The following SDK1 variants were observed in gnomAD, a reference collection of about 807,000 sequenced individuals.
The protein encoded by SDK1 is protein sidekick-1.
A neutral mutation model predicts 245.5 loss-of-function variants in SDK1; 157 were observed. The observed-to-expected ratio is 0.64, with a 90% confidence interval of 0.56 to 0.73. The LOEUF (loss-of-function observed/expected upper bound fraction) is 0.73. Among genes scored for constraint, SDK1 ranks in the 30% least tolerant of loss-of-function variants. SDK1 has a pLI of 0.00. For missense variants in SDK1, 3,583 were observed against 3,002.3 expected (o/e 1.19, Z -4.52); for synonymous variants, 1,647 against 1,278.5 (o/e 1.29, Z -6.15).
chr7:4,247,865 C>T (rs921087568), intron 44 of SDK1, among the ~76,000 whole-genome samples: 1 of 152,170 alleles, frequency 6.6e-6, no homozygotes, highest in Non-Finnish European at 1.5e-5. Context: ...GTCTCCAGAG[C>T]TCAGTGTACC....
chr7:3,435,321 CTTTTTTTTTTTTTT>C (rs71029672), intron 1 of SDK1, among the ~76,000 whole-genome samples: 4 of 56,880 alleles, frequency 7.0e-5, no homozygotes, highest in African/African-American at 9.1e-5. Flanking sequence ...AGGGGACTGC[CTTTTTTTTTTTTTT>C]TTTTTTTTTT....
chr7:3,326,638 C>G (rs781099493), intron 1 of SDK1, among the ~76,000 whole-genome samples: 2 of 152,126 alleles, frequency 1.3e-5, no homozygotes, highest in Non-Finnish European at 2.9e-5. Flanking sequence ...CATCTTCTCA[C>G]CAACACTGCT....
intron 1 of SDK1, among the ~76,000 whole-genome samples, chr7:3,591,588 A>G (rs1029831180): frequency 5.3e-5 from 8 of 152,368 alleles, no homozygotes; most frequent in South Asian, 2.1e-4. Flanking sequence ...TTGAAAGAAC[A>G]TGCGACCAGT....
intron 14 of SDK1, among the ~76,000 whole-genome samples, chr7:3,994,916 C>T (rs1452911006): frequency 1.3e-5 from 2 of 152,148 alleles, no homozygotes; most frequent in Admixed American, 6.5e-5. Flanking sequence ...GTTTCCCCTG[C>T]CTGAAGCCTT....
intron 1 of SDK1, among the ~76,000 whole-genome samples, chr7:3,436,595 AAAT>A (rs1288422894): frequency 1.3e-5 from 2 of 152,298 alleles, no homozygotes; most frequent in East Asian, 3.9e-4. Context: ...TAGAAAATGA[AAAT>A]AATGATTATA....
intron 1 of SDK1, among the ~76,000 whole-genome samples, chr7:3,412,451 C>G (rs1478708686): frequency 6.6e-6 from 1 of 152,172 alleles, no homozygotes; most frequent in Non-Finnish European, 1.5e-5. Context: ...ATAGGCAGCT[C>G]CTGCTTTTTT....
chr7:3,348,375 G>T (rs1484178948), intron 1 of SDK1, among the ~76,000 whole-genome samples: 1 of 152,206 alleles, frequency 6.6e-6, no homozygotes, highest in Non-Finnish European at 1.5e-5. Flanking sequence ...CTACTATGCA[G>T]CCATAAAAAG....
intron 4 of SDK1, among the ~76,000 whole-genome samples, chr7:3,669,570 G>C (rs1251958124): frequency 6.6e-6 from 1 of 151,950 alleles, no homozygotes; most frequent in East Asian, 1.9e-4. Flanking sequence ...CTTCTTCTTA[G>C]ACCTCTTTGC....
chr7:3,563,398 A>C (rs1204773504), intron 1 of SDK1, among the ~76,000 whole-genome samples: 2 of 152,220 alleles, frequency 1.3e-5, no homozygotes, highest in Non-Finnish European at 2.9e-5. Flanking sequence ...TGGAAATAAA[A>C]GGATGGAAGA....
At chr7:3,645,087 C>T (rs192054324) in intron 4 of SDK1, among the ~76,000 whole-genome samples, 1 of 152,274 alleles carries the variant, frequency 6.6e-6, no homozygotes, top group Admixed American at 6.5e-5. Context: ...TCACTATATG[C>T]ATGAGACAGC....
intron 44 of SDK1, among the ~76,000 whole-genome samples, chr7:4,259,791 C>A (rs975210275): frequency 1.3e-5 from 2 of 152,176 alleles, no homozygotes; most frequent in African/African-American, 4.8e-5. Context: ...GGTTGTACAC[C>A]TGTTGCGCGG....
chr7:3,503,490 C>A (rs940027805), intron 1 of SDK1, among the ~76,000 whole-genome samples: 8 of 151,930 alleles, frequency 5.3e-5, no homozygotes, highest in African/African-American at 1.9e-4. Flanking sequence ...ACCAGCCGGG[C>A]AATATAGTGA....
In SDK1 at chr7:4,185,841, C is replaced by CAGGA. The variant is rs1235830510; in HGVS notation, c.5098+7265_5098+7268dup. Among the ~76,000 whole-genome samples the CAGGA allele has an allele frequency of 4.3e-4, 54 of 125,096 alleles. 1 individual carries two copies. Among genetic ancestry groups the CAGGA allele is most frequent in the African/African-American group, 1.7e-3 (53 of 32,106 alleles). The allele number at this position is 125,096 out of a possible 152,430, so 82.1% of individuals were successfully genotyped here. A position where few individuals can be genotyped will look rare whatever the true frequency, so the allele number is the denominator to read the frequency against. The stretch of plus-strand genomic sequence containing the variant: ...TGGGAGGGAGAGAAACACATTTAGA[C>CAGGA]AGGAAGGAAGGAAAGAAGGGAGGGA... On this transcript the variant is annotated intron_variant, in intron 35 of 44. Coordinates refer to ENST00000404826, the MANE Select transcript of SDK1 (RefSeq NM_152744.4).
chr7:4,222,994 C>T (rs1277367987), intron 40 of SDK1, among the ~76,000 whole-genome samples: 1 of 151,840 alleles, frequency 6.6e-6, no homozygotes, highest in African/African-American at 2.4e-5. Flanking sequence ...TAAGAAACCA[C>T]TTCAGACACT....
At chr7:3,936,446 A>G (rs1454098829) in intron 5 of SDK1, among the ~76,000 whole-genome samples, 1 of 152,072 alleles carries the variant, frequency 6.6e-6, no homozygotes, top group African/African-American at 2.4e-5. Context: ...TTAGCCAGGC[A>G]TGGTGGCAGG....
chr7:3,948,921 A>G (rs1157309022), intron 5 of SDK1, among the ~76,000 whole-genome samples: 2 of 152,028 alleles, frequency 1.3e-5, no homozygotes. Flanking sequence ...GCCTCCCTTC[A>G]CTTCACATAA....
intron 1 of SDK1, among the ~76,000 whole-genome samples, chr7:3,449,473 G>C (rs180922894): frequency 6.6e-6 from 1 of 152,308 alleles, no homozygotes. Flanking sequence ...GGAGTGGCTT[G>C]AAGAATTGTA....
chr7:3,981,315 A>G lies in SDK1; in HGVS notation c.1995-5871A>G, dbSNP rs548254483. Reference sequence around the variant, plus strand: ...CTTGTGTGTTCTGACTGCTCCACCAACAGGCCATTCCCTGTCTCCCTCCGT... The same window carrying G: ...CTTGTGTGTTCTGACTGCTCCACCAGCAGGCCATTCCCTGTCTCCCTCCGT... On this transcript the variant is annotated intron_variant, in intron 13 of 44. Transcript: ENST00000404826. 9.2e-5 allele frequency among the ~76,000 whole-genome samples: 14 copies of G among 152,230 alleles called. 1 individual carries two copies. Among genetic ancestry groups the G allele is most frequent in the African/African-American group, 2.9e-4 (12 of 41,550 alleles).
At chr7:3,567,333 A>C (rs181677908) in intron 1 of SDK1, among the ~76,000 whole-genome samples, 1 of 152,320 alleles carries the variant, frequency 6.6e-6, no homozygotes, top group East Asian at 1.9e-4. Flanking sequence ...GATTAGAAGT[A>C]CTTGTGAGAG....
Sources: gnomAD v4.1 joint callset for allele counts (sites outside exome capture counted in the v4.1 genomes callset) on GRCh38, gnomAD v4.1.1 for gene constraint, MANE v1.5 for transcripts, NCBI Gene and HGNC (gene_info 2026-07-23, HGNC 2026-07-21) for gene names.